Variants in ACTR3C observed in about 807,000 individuals in gnomAD.
ACTR3C encodes actin related protein 3C, also known as actin-related protein 3C.
A neutral mutation model predicts 26.3 loss-of-function variants in ACTR3C; 18 were observed. That is an observed-to-expected ratio of 0.68 (90% CI 0.47 to 1.01). ACTR3C has a LOEUF of 1.01. ACTR3C is among the 50% of genes least tolerant of loss of function. The pLI is 0.00. For missense variants in ACTR3C, 184 were observed against 250.7 expected (o/e 0.73, Z 1.80); for synonymous variants, 55 against 94.5 (o/e 0.58, Z 2.42).
At chr7:150,271,208 C>T (rs1477257978) in intron 6 of ACTR3C, among the ~76,000 whole-genome samples, 1 of 130,104 alleles carries the variant, frequency 7.7e-6, no homozygotes, top group African/African-American at 3.8e-5. Context: ...TATTATTATA[C>T]TTTAAGTTCT....
chr7:150,137,217 G>A, the ACTR3C span, among the ~76,000 whole-genome samples: 12 of 152,198 alleles, frequency 7.9e-5, no homozygotes, highest in Non-Finnish European at 4.4e-5. Context: ...CCCTGTGTCA[G>A]ATGGTGGCCT....
the ACTR3C span, among the ~76,000 whole-genome samples, chr7:150,171,882 G>T: frequency 6.6e-6 from 1 of 150,608 alleles, no homozygotes; most frequent in Admixed American, 6.6e-5. Flanking sequence ...CGCAATCCCG[G>T]CTCACTGCAA....
chr7:150,284,849 A>T lies in ACTR3C; in HGVS notation c.472-4T>A. 1 of 1,607,764 alleles carries T rather than the reference A, an allele frequency of 6.2e-7. No homozygotes were observed. The highest frequency in any genetic ancestry group is 2.2e-5 in the East Asian group (1 of 44,730). ...CCATAGAGTCTGGGTTGGCAAACTGAATTGTATATCAATATAAAAGAAACA... is the reference window on the plus strand; with the variant it reads ...CCATAGAGTCTGGGTTGGCAAACTGTATTGTATATCAATATAAAAGAAACA... On this transcript the variant is annotated splice_polypyrimidine_tract_variant and splice_region_variant and intron_variant, in intron 5 of 7. Transcript: ENST00000683684.
At chr7:149,984,468 T>C in the ACTR3C span, among the ~76,000 whole-genome samples, 4 of 151,758 alleles carry the variant, frequency 2.6e-5, no homozygotes, top group Non-Finnish European at 4.4e-5. Flanking sequence ...CCTCCCAAAA[T>C]ACTGGGATTA....
chr7:150,240,532 G>GT (rs1832120218), downstream of ACTR3C, among the ~76,000 whole-genome samples: 1 of 152,018 alleles, frequency 6.6e-6, no homozygotes. Flanking sequence ...GTATACCTAT[G>GT]TAACAAACCT....
the ACTR3C span, among the ~76,000 whole-genome samples, chr7:149,887,477 C>G: frequency 6.6e-6 from 1 of 152,200 alleles, no homozygotes; most frequent in Admixed American, 6.5e-5. Flanking sequence ...CCATACACGC[C>G]AGGCGCCTTC....
the ACTR3C span, among the ~76,000 whole-genome samples, chr7:149,911,043 C>T: frequency 6.6e-6 from 1 of 152,094 alleles, no homozygotes; most frequent in South Asian, 2.1e-4. Flanking sequence ...GAGTACAAGG[C>T]CAAGTGGACC....
chr7:150,043,531 G>T, the ACTR3C span, among the ~76,000 whole-genome samples: 2 of 152,222 alleles, frequency 1.3e-5, no homozygotes, highest in African/African-American at 4.8e-5. Flanking sequence ...AGTAACAGCA[G>T]CAGCATGTAT....
intron 1 of ACTR3C, among the ~76,000 whole-genome samples, chr7:150,301,054 T>A (rs1378650085): frequency 1.3e-5 from 2 of 152,132 alleles, no homozygotes; most frequent in African/African-American, 4.8e-5. Context: ...TAAAAATGAG[T>A]TAATACTTAT....
the ACTR3C span, among the ~76,000 whole-genome samples, chr7:149,990,240 C>T: frequency 1.3e-5 from 2 of 151,500 alleles, no homozygotes; most frequent in Non-Finnish European, 2.9e-5. Flanking sequence ...ACCTCCTTCA[C>T]CCACGTGCAC....
the ACTR3C span, among the ~76,000 whole-genome samples, chr7:149,944,765 A>G: frequency 6.7e-6 from 1 of 150,096 alleles, no homozygotes; most frequent in African/African-American, 2.5e-5. Context: ...CAACCCCTTT[A>G]TCTCACTTAC....
the ACTR3C span, among the ~76,000 whole-genome samples, chr7:150,195,489 T>A: frequency 6.6e-6 from 1 of 152,344 alleles, no homozygotes; most frequent in Admixed American, 6.5e-5. Flanking sequence ...ACTTTTTGTC[T>A]AACAAAGTCT....
chr7:150,043,988 C>T, the ACTR3C span, among the ~76,000 whole-genome samples: 1 of 152,162 alleles, frequency 6.6e-6, no homozygotes, highest in Non-Finnish European at 1.5e-5. Context: ...CCTTCCAAGG[C>T]TGGTGGACAT....
the ACTR3C span, among the ~76,000 whole-genome samples, chr7:150,068,438 G>A: frequency 6.6e-6 from 1 of 152,124 alleles, no homozygotes; most frequent in East Asian, 1.9e-4. Context: ...TCACTCCCTT[G>A]ACTTGCCTGT....
chr7:150,243,486 T>C (rs1832295372), downstream of ACTR3C, among the ~76,000 whole-genome samples: 1 of 152,100 alleles, frequency 6.6e-6, no homozygotes. Context: ...AGATTGAAGT[T>C]ACTTTTAAAT....
chr7:150,119,709 G>A, the ACTR3C span, among the ~76,000 whole-genome samples: 1 of 152,162 alleles, frequency 6.6e-6, no homozygotes, highest in Non-Finnish European at 1.5e-5. Flanking sequence ...TTCAGGACTT[G>A]AACTCAGCTC....
In ACTR3C at chr7:150,255,752, G is replaced by A. The variant is rs181257640; in HGVS notation, c.565-6698C>T. ...ATAATTTACCCCAAGACACAGCTCC[G>A]TCCTTTCTTACCAAGGGTGCATATG... On this transcript the variant is annotated intron_variant, in intron 6 of 7. Transcript: ENST00000683684. Among the ~76,000 whole-genome samples, 38 of 152,250 alleles carry A rather than the reference G, an allele frequency of 2.5e-4. No individual in the cohort carries two copies. The East Asian group carries it at 5.6e-3, about 22-fold the overall frequency.
the ACTR3C span, among the ~76,000 whole-genome samples, chr7:150,017,848 T>C: frequency 6.7e-6 from 1 of 150,368 alleles, no homozygotes; most frequent in Non-Finnish European, 1.5e-5. Flanking sequence ...ATTCTTGGGT[T>C]TTCAGGGTGA....
At chr7:149,967,374 G>A in the ACTR3C span, among the ~76,000 whole-genome samples, 1 of 152,214 alleles carries the variant, frequency 6.6e-6, no homozygotes, top group African/African-American at 2.4e-5. Context: ...GTTTCACCAT[G>A]TTGGCTAAGC....
Sources: allele counts gnomAD v4.1 joint callset (sites outside exome capture counted in the v4.1 genomes callset), GRCh38; gene constraint gnomAD v4.1.1; transcripts MANE v1.5; gene names NCBI Gene and HGNC (gene_info 2026-07-23, HGNC 2026-07-21).